The following MTHFD2L variants were observed in gnomAD, a reference collection of about 807,000 sequenced individuals.
MTHFD2L encodes bifunctional methylenetetrahydrofolate dehydrogenase/cyclohydrolase 2, mitochondrial.
Under a neutral mutation model 34.9 loss-of-function variants are expected in MTHFD2L, and 29 were observed. The ratio of observed to expected loss-of-function variants is 0.83; its 90% CI spans 0.62 to 1.13. MTHFD2L has a LOEUF of 1.13. Among genes scored for constraint, MTHFD2L ranks in the 50% most tolerant of loss-of-function variants. MTHFD2L has a pLI of 0.00. For synonymous variants in MTHFD2L, 167 were observed against 155.7 expected (o/e 1.07, Z -0.54); for missense variants, 481 against 446.5 (o/e 1.08, Z -0.70).
At chr4:74,284,041 A>G (rs1347165885) in intron 7 of MTHFD2L, among the ~76,000 whole-genome samples, 2 of 152,192 alleles carry the variant, frequency 1.3e-5, no homozygotes, top group South Asian at 2.1e-4. Flanking sequence ...CACTATAACT[A>G]TAGCCAAGAT....
At chr4:74,137,973 AAG>A (rs1723046588) in intron 1 of MTHFD2L, among the ~76,000 whole-genome samples, 1 of 152,074 alleles carries the variant, frequency 6.6e-6, no homozygotes. Context: ...TGAGGGAAAT[AAG>A]AGAGGGGGGA....
At chr4:74,225,240 A>T in intron 5 of MTHFD2L, 62 bp from the exon 6 acceptor site, 2 of 1,228,986 alleles carry the variant, frequency 1.6e-6, no homozygotes, top group Middle Eastern at 1.9e-4. Context: ...TTCTGGATTT[A>T]GAGCATTTAT....
intron 1 of MTHFD2L, among the ~76,000 whole-genome samples, chr4:74,130,255 A>T (rs1197137201): frequency 4.6e-5 from 7 of 152,166 alleles, no homozygotes. Flanking sequence ...CATCACCCTG[A>T]TACCAAAACC....
At chr4:74,225,435 C>A in intron 6 of MTHFD2L, 41 bp downstream of exon 6, 1 of 1,498,242 alleles carries the variant, frequency 6.7e-7, no homozygotes, top group Non-Finnish European at 9.3e-7. Flanking sequence ...ATGTCATCAG[C>A]AGAATAATTC....
intron 5 of MTHFD2L, among the ~76,000 whole-genome samples, chr4:74,218,043 A>G (rs1737494970): frequency 6.6e-6 from 1 of 152,074 alleles, no homozygotes; most frequent in South Asian, 2.1e-4. Flanking sequence ...AGCACACTGT[A>G]TTGTGATTCT....
At chr4:74,153,972 T>C (rs1343235799), upstream of MTHFD2L, among the ~76,000 whole-genome samples, 1 of 152,198 alleles carries the variant, frequency 6.6e-6, no homozygotes, top group Non-Finnish European at 1.5e-5. Context: ...TGTTCCAGGA[T>C]CCAATCCAAG....
At chr4:74,165,558 A>G (rs1457691370) in intron 1 of MTHFD2L, among the ~76,000 whole-genome samples, 2 of 152,256 alleles carry the variant, frequency 1.3e-5, no homozygotes, top group South Asian at 4.1e-4. Context: ...GGGTTTCACC[A>G]TATTGGTCAG....
intron 7 of MTHFD2L, among the ~76,000 whole-genome samples, chr4:74,294,384 T>C (rs1451085124): frequency 6.6e-6 from 1 of 152,096 alleles, no homozygotes; most frequent in African/African-American, 2.4e-5. Flanking sequence ...ATCTGAATTG[T>C]TCAATTCTTG....
intron 2 of MTHFD2L, among the ~76,000 whole-genome samples, chr4:74,117,895 T>A (rs1721681975): frequency 6.6e-6 from 1 of 152,258 alleles, no homozygotes; most frequent in East Asian, 1.9e-4. Flanking sequence ...TTTGCTTCCA[T>A]GAACTCTGTA....
intron 2 of MTHFD2L, among the ~76,000 whole-genome samples, chr4:74,115,010 C>T (rs767604194): frequency 9.2e-5 from 14 of 152,126 alleles, no homozygotes; most frequent in Non-Finnish European, 2.1e-4. Flanking sequence ...TTCACCTTGG[C>T]CAGGCAGCTG....
intron 7 of MTHFD2L, among the ~76,000 whole-genome samples, chr4:74,282,157 A>C (rs1578711738): frequency 6.6e-6 from 1 of 152,126 alleles, no homozygotes; most frequent in South Asian, 2.1e-4. Flanking sequence ...TCTTTACAAT[A>C]GGGGAAACTG....
At chr4:74,132,808 G>A (rs1722644303) in intron 1 of MTHFD2L, among the ~76,000 whole-genome samples, 1 of 152,082 alleles carries the variant, frequency 6.6e-6, no homozygotes, top group Non-Finnish European at 1.5e-5. Context: ...TATTATATCA[G>A]TTCGCATATT....
chr4:74,295,897 G>A (rs765012579), intron 7 of MTHFD2L, among the ~76,000 whole-genome samples: 1 of 152,136 alleles, frequency 6.6e-6, no homozygotes, highest in Non-Finnish European at 1.5e-5. Context: ...GCATGGATAT[G>A]CCACATTAAT....
rs780344513 is a variant in MTHFD2L at position 74,174,628 on chromosome 4, T to A, written c.266T>A (p.Val89Glu). ...AGACCTCACCTCAGTATAATTTTAG[T>A]GGGAGATAACCCAGCAAGCCATACA... ...NRRPHLSIIL[V>E]GDNPASHTYV... The change falls in exon 2 of 8, where the codon GTG becomes GAG. Residue 89 changes from valine (V) to glutamate (E), a missense_variant. Coordinates refer to ENST00000325278, the MANE Select transcript of MTHFD2L (RefSeq NM_001144978.3). The A allele has an allele frequency of 9.4e-6, 15 of 1,603,998 alleles. No individual in the cohort carries two copies. The Admixed American group carries it at 2.4e-4, about 26-fold the overall frequency.
chr4:74,221,669 T>C (rs1432946760), intron 5 of MTHFD2L, among the ~76,000 whole-genome samples: 1 of 151,956 alleles, frequency 6.6e-6, no homozygotes, highest in African/African-American at 2.4e-5. Context: ...AACATATAAT[T>C]AGATTTTGCT....
chr4:74,172,799 A>C (rs901154400), intron 1 of MTHFD2L, among the ~76,000 whole-genome samples: 1 of 152,196 alleles, frequency 6.6e-6, no homozygotes, highest in Non-Finnish European at 1.5e-5. Context: ...TCAAAATTGC[A>C]TGAACTGAGA....
chr4:74,121,990 G>T (rs1418964334), upstream of MTHFD2L, among the ~76,000 whole-genome samples: 1 of 151,918 alleles, frequency 6.6e-6, no homozygotes, highest in African/African-American at 2.4e-5. Context: ...CCAGCCTCTA[G>T]AACTGTGAGA....
intron 6 of MTHFD2L, among the ~76,000 whole-genome samples, chr4:74,248,702 A>G (rs2110192338): frequency 6.7e-6 from 1 of 150,152 alleles, no homozygotes; most frequent in South Asian, 2.1e-4. Context: ...ATTGGTTTCA[A>G]AGAACATCTT....
intron 6 of MTHFD2L, among the ~76,000 whole-genome samples, chr4:74,232,590 T>C (rs1292881951): frequency 6.6e-6 from 1 of 152,114 alleles, no homozygotes; most frequent in Admixed American, 6.6e-5. Flanking sequence ...ATATTTTTCT[T>C]GGTGTCAGTA....
Sources: allele counts gnomAD v4.1 joint callset (sites outside exome capture counted in the v4.1 genomes callset), GRCh38; gene constraint gnomAD v4.1.1; transcripts MANE v1.5; gene names NCBI Gene and HGNC (gene_info 2026-07-23, HGNC 2026-07-21).